The following LAPTM4B variants were observed in gnomAD, a reference collection of about 807,000 sequenced individuals.
LAPTM4B encodes lysosomal-associated transmembrane protein 4B.
LAPTM4B carries 26 observed loss-of-function variants against 28.5 expected under a neutral mutation model. The observed-to-expected ratio is 0.91, with a 90% CI of 0.67 to 1.27. LAPTM4B has a LOEUF of 1.27. LAPTM4B is among the 50% of genes most tolerant of loss of function. The probability of loss-of-function intolerance (pLI) is 0.00; values close to 1 mark genes in which losing one functional copy is unlikely to be tolerated. For missense variants in LAPTM4B, 288 were observed against 285.8 expected (o/e 1.01, Z -0.06); for synonymous variants, 109 against 106.4 (o/e 1.02, Z -0.15).
chr8:97,824,063 C>T (rs1400789741), intron 5 of LAPTM4B, among the ~76,000 whole-genome samples: 2 of 152,094 alleles, frequency 1.3e-5, no homozygotes, highest in Non-Finnish European at 2.9e-5. Flanking sequence ...TTTTGTCTAT[C>T]CATTCATCAG....
At chr8:97,799,494 G>A (rs2129757451) in intron 1 of LAPTM4B, among the ~76,000 whole-genome samples, 1 of 152,286 alleles carries the variant, frequency 6.6e-6, no homozygotes, top group South Asian at 2.1e-4. Flanking sequence ...AACATGGTTA[G>A]CATCAGGTGA....
intron 2 of LAPTM4B, among the ~76,000 whole-genome samples, chr8:97,810,806 TG>T (rs1356923249): frequency 6.6e-6 from 1 of 152,206 alleles, no homozygotes; most frequent in Non-Finnish European, 1.5e-5. Context: ...CTTTCTTCAC[TG>T]GGCAGACAAA....
At chr8:97,805,637 T>C (rs544202282) in intron 2 of LAPTM4B, among the ~76,000 whole-genome samples, 173 bp downstream of exon 2, 1 of 152,026 alleles carries the variant, frequency 6.6e-6, no homozygotes, top group East Asian at 1.9e-4. Context: ...TGCAAGAGTC[T>C]AAATAAGATC....
Position 97,834,718 on chromosome 8 carries a change from C to T in LAPTM4B, c.603+9565C>T, listed in dbSNP as rs567160128. ...GGACTACAGGTGTGAGCTACTGAGA[C>T]CACCCTAGTAGTCTTTGATTGCTTT... On this transcript the variant is annotated intron_variant, in intron 6 of 6. Coordinates refer to ENST00000521545, the MANE Select transcript of LAPTM4B (RefSeq NM_018407.6). 1.5e-4 allele frequency among the ~76,000 whole-genome samples: 23 copies of T among 152,250 alleles called. 1 individual carries two copies. In the South Asian group the frequency reaches 4.3e-3, roughly 29 times the overall value.
At chr8:97,811,253 C>T (rs1816821412) in intron 2 of LAPTM4B, among the ~76,000 whole-genome samples, 1 of 152,270 alleles carries the variant, frequency 6.6e-6, no homozygotes. Flanking sequence ...TACGTACACT[C>T]CAGGAGTGAA....
At chr8:97,823,353 TTTG>T (rs1309750400) in intron 5 of LAPTM4B, among the ~76,000 whole-genome samples, 3 of 27,248 alleles carry the variant, frequency 1.1e-4, no homozygotes, top group Admixed American at 7.5e-4. Context: ...GGTTTTTTTT[TTTG>T]TTTTTTTTTT....
At chr8:97,812,567 C>T (rs1048995052) in intron 2 of LAPTM4B, among the ~76,000 whole-genome samples, 4 of 152,126 alleles carry the variant, frequency 2.6e-5, no homozygotes, top group African/African-American at 7.2e-5. Context: ...ATGAGAAGAC[C>T]ACTAGAGTTG....
At chr8:97,826,825 T>A (rs1406465054) in intron 6 of LAPTM4B, among the ~76,000 whole-genome samples, 1 of 152,192 alleles carries the variant, frequency 6.6e-6, no homozygotes, top group Non-Finnish European at 1.5e-5. Context: ...ACCCATTAAC[T>A]TTTGCAGAAG....
intron 6 of LAPTM4B, among the ~76,000 whole-genome samples, chr8:97,844,367 G>A (rs1204588302): frequency 6.6e-6 from 1 of 152,132 alleles, no homozygotes. Context: ...AAAGTGCTGG[G>A]ATTACAAATG....
At chr8:97,781,573 C>T (rs1001837606) in intron 1 of LAPTM4B, among the ~76,000 whole-genome samples, 6 of 152,078 alleles carry the variant, frequency 3.9e-5, no homozygotes, top group Admixed American at 6.5e-5. Context: ...CCACCGTGCC[C>T]GGCAAAATTC....
intron 1 of LAPTM4B, among the ~76,000 whole-genome samples, chr8:97,789,287 C>T (rs1816460688): frequency 6.6e-6 from 1 of 151,182 alleles, no homozygotes; most frequent in South Asian, 2.1e-4. Flanking sequence ...GTTGGCCAGG[C>T]TGGTCTTGAA....
chr8:97,813,265 A>G (rs1816855716), intron 2 of LAPTM4B, among the ~76,000 whole-genome samples: 1 of 152,226 alleles, frequency 6.6e-6, no homozygotes, highest in Non-Finnish European at 1.5e-5. Flanking sequence ...CTGGAAAACC[A>G]CTGGTGTAAG....
In LAPTM4B at chr8:97,852,964, G is replaced by A; in HGVS notation, c.*1490G>A. 1 of 542,452 alleles carries A rather than the reference G, an allele frequency of 1.8e-6. No homozygotes were observed. Among genetic ancestry groups the A allele is most frequent in the Non-Finnish European group, 3.1e-6 (1 of 324,378 alleles). The allele number at this position is 542,452 out of a possible 1,614,324, so 33.6% of individuals were successfully genotyped here. On this transcript the variant is annotated 3_prime_UTR_variant, in exon 7 of 7. Coordinates refer to ENST00000521545, the MANE Select transcript of LAPTM4B (RefSeq NM_018407.6). Reference sequence around the variant, plus strand: ...GGGGGAAAAAAGCCAAACAGAAGTAGAAAAAGGTGTAGCCGGCATACAAAT... The same window carrying A: ...GGGGGAAAAAAGCCAAACAGAAGTAAAAAAAGGTGTAGCCGGCATACAAAT...
At chr8:97,839,933 G>C (rs772244132) in intron 6 of LAPTM4B, among the ~76,000 whole-genome samples, 18 of 152,310 alleles carry the variant, frequency 1.2e-4, no homozygotes, top group Non-Finnish European at 2.4e-4. Context: ...GGAGGCAGGT[G>C]AAATGGGAGT....
At position 97,819,029 on chromosome 8, in the gene LAPTM4B, G is replaced by T. The variant is rs182711474; in HGVS notation, c.409-111G>T. 4.4e-6 allele frequency: 3 copies of T among 685,754 alleles called. No individual in the cohort carries two copies. The South Asian group carries it at 5.2e-5, about 12-fold the overall frequency. 42.5% of individuals were successfully genotyped at this position (685,754 alleles called of 1,614,324 possible). A position where few individuals can be genotyped will look rare whatever the true frequency, so the allele number is the denominator to read the frequency against. ...AATTTTGTATTGGTTCTAAATAATAGCTGTCTGCTTTAATCAGTTGCTTTC... is the reference window on the plus strand; with the variant it reads ...AATTTTGTATTGGTTCTAAATAATATCTGTCTGCTTTAATCAGTTGCTTTC... On this transcript the variant is annotated intron_variant, in intron 4 of 6. Coordinates refer to ENST00000521545, the MANE Select transcript of LAPTM4B (RefSeq NM_018407.6).
At chr8:97,846,171 G>A (rs1298872565) in intron 6 of LAPTM4B, among the ~76,000 whole-genome samples, 4 of 151,084 alleles carry the variant, frequency 2.6e-5, no homozygotes, top group African/African-American at 4.9e-5. Context: ...ATCTTTTAAC[G>A]TTTTGTGATA....
intron 6 of LAPTM4B, among the ~76,000 whole-genome samples, chr8:97,835,420 C>T: frequency 6.6e-6 from 1 of 152,194 alleles, no homozygotes; most frequent in East Asian, 1.9e-4. Flanking sequence ...ATCTCTCCTC[C>T]AGTTTCCCAG....
intron 5 of LAPTM4B, among the ~76,000 whole-genome samples, chr8:97,823,760 C>T (rs1385863305): frequency 1.3e-5 from 2 of 149,818 alleles, no homozygotes; most frequent in East Asian, 2.0e-4. Context: ...TGCAGTGGCA[C>T]GATCTTGGCT....
At chr8:97,785,855 A>G (rs571661518) in intron 1 of LAPTM4B, among the ~76,000 whole-genome samples, 74 of 152,308 alleles carry the variant, frequency 4.9e-4, no homozygotes, top group African/African-American at 1.8e-3. Flanking sequence ...TATCGTTTTA[A>G]TGTCTCTCTG....
Sources: allele counts gnomAD v4.1 joint callset (sites outside exome capture counted in the v4.1 genomes callset), GRCh38; gene constraint gnomAD v4.1.1; transcripts MANE v1.5; gene names NCBI Gene and HGNC (gene_info 2026-07-23, HGNC 2026-07-21).